The following GLS variants were observed in gnomAD, a reference collection of about 807,000 sequenced individuals.
The protein encoded by GLS is glutaminase.
GLS carries 36 observed loss-of-function variants against 86.7 expected under a neutral mutation model. That is an observed-to-expected ratio of 0.42 (90% CI 0.32 to 0.55). GLS has a LOEUF of 0.55. Ranked by LOEUF, GLS falls within the 20% of genes least tolerant of loss-of-function variation. GLS has a pLI of 0.17. For missense variants in GLS, 528 were observed against 833.4 expected (o/e 0.63, Z 4.51); for synonymous variants, 317 against 305.9 (o/e 1.04, Z -0.38).
intron 9 of GLS, 30 bp from the exon 10 acceptor site, chr2:190,923,885 CAT>C (rs1176586848): frequency 7.3e-7 from 1 of 1,361,932 alleles, no homozygotes; most frequent in African/African-American, 1.4e-5. Flanking sequence ...AAAGAAAGTA[CAT>C]AGAGCAAATG....
At chr2:190,912,423 A>G (rs1272099142) in intron 7 of GLS, among the ~76,000 whole-genome samples, 1 of 149,588 alleles carries the variant, frequency 6.7e-6, no homozygotes, top group Non-Finnish European at 1.5e-5. Flanking sequence ...GTAAAATTGA[A>G]TGCCCCAGAA....
intron 7 of GLS, among the ~76,000 whole-genome samples, chr2:190,911,437 A>G (rs1203753580): frequency 6.6e-6 from 1 of 152,162 alleles, no homozygotes; most frequent in East Asian, 1.9e-4. Context: ...TTTAATTCTT[A>G]TAACTCTAAT....
At position 190,962,904 on chromosome 2, in the gene GLS, A is replaced by G. The variant is rs746827074; in HGVS notation, c.1928A>G (p.Gln643Arg). ...GTATTTAAAATTCTCCAAGAATACC[A>G]AGTCCAGTACACACCTCAAGGAGAT... is the stretch of plus-strand genomic sequence containing the variant. ...HDVFKILQEY[Q>R]VQYTPQGDSD... Residue 643 changes from glutamine to arginine, a missense_variant, in exon 18 of 18, where the codon CAA becomes CGA. By Grantham distance (43) the Gln-to-Arg change is conservative. Coordinates refer to ENST00000320717, the MANE Select transcript of GLS (RefSeq NM_014905.5). This position sits in a 1 kb window ranked among gnomAD's most constrained non-coding sequence, Gnocchi z 4.2. 19 of 1,603,224 alleles carry G rather than the reference A, an allele frequency of 1.2e-5. No homozygotes were observed. The highest frequency in any genetic ancestry group is 1.6e-5 in the Non-Finnish European group (19 of 1,175,744).
chr2:190,910,743 G>A (rs901338125), intron 7 of GLS, among the ~76,000 whole-genome samples: 1 of 151,286 alleles, frequency 6.6e-6, no homozygotes, highest in East Asian at 1.9e-4. Flanking sequence ...AAATGTTCTG[G>A]TACTTAAGAC....
At position 190,895,063 on chromosome 2, in the gene GLS, G is replaced by GT; in HGVS notation, c.387-86dup. Reference sequence around the variant, plus strand: ...AGTATATGAGCTCAGCTGTAGTCTAGTTTAGTGGTTATTTAACAATGGATT... The same window carrying GT: ...AGTATATGAGCTCAGCTGTAGTCTAGTTTTAGTGGTTATTTAACAATGGATT... On this transcript the variant is annotated intron_variant, in intron 1 of 17. Transcript: ENST00000320717. The surrounding 1 kb of genome is among the most constrained non-coding windows in gnomAD (Gnocchi z 4.2). 1.5e-6 allele frequency: 1 copy of GT among 653,340 alleles called. No individual in the cohort carries two copies. Among genetic ancestry groups the GT allele is most frequent in the Non-Finnish European group, 2.8e-6 (1 of 356,864 alleles). The allele number at this position is 653,340 out of a possible 1,614,324, so 40.5% of individuals were successfully genotyped here.
intron 1 of GLS, among the ~76,000 whole-genome samples, chr2:190,883,910 T>G (rs1688289593): frequency 6.6e-6 from 1 of 152,226 alleles, no homozygotes; most frequent in Non-Finnish European, 1.5e-5. Context: ...GCAAGTTACT[T>G]TACCTTTTTT....
intron 9 of GLS, among the ~76,000 whole-genome samples, chr2:190,922,550 T>C (rs1689774315): frequency 6.6e-6 from 1 of 152,106 alleles, no homozygotes; most frequent in African/African-American, 2.4e-5. Flanking sequence ...CTGCCCTCCT[T>C]AAGACCTAGA....
rs556506301 is a variant in GLS at position 190,965,056 on chromosome 2, T to C, written c.*2070T>C. ...ACTATGTGCCGATTCCTGCTCGGGC[T>C]GTTTGCTGTTGGCTGGTAATAATAT... is the stretch of plus-strand genomic sequence containing the variant. On this transcript the variant is annotated 3_prime_UTR_variant, in exon 18 of 18. Coordinates refer to ENST00000320717, the MANE Select transcript of GLS (RefSeq NM_014905.5). The surrounding 1 kb of genome is among the most constrained non-coding windows in gnomAD (Gnocchi z 5.0). 2.0e-5 allele frequency: 3 copies of C among 152,346 alleles called. No homozygotes were observed. In the East Asian group the frequency reaches 5.8e-4, roughly 29 times the overall value. 9.4% of individuals were successfully genotyped at this position (152,346 alleles called of 1,614,324 possible).
rs1412155100 is a variant in GLS, at chr2:190,949,907, C to CA, written c.1651-3652dup. On this transcript the variant is annotated intron_variant, in intron 14 of 17. Coordinates refer to ENST00000320717, the MANE Select transcript of GLS (RefSeq NM_014905.5). This position sits in a 1 kb window ranked among gnomAD's most constrained non-coding sequence, Gnocchi z 4.0. Reference sequence around the variant, plus strand: ...TGGAGCCTATATTTAATGAGAGAGACAAAAAACAAGTATATATAAAAATAT... The same window carrying CA: ...TGGAGCCTATATTTAATGAGAGAGACAAAAAAACAAGTATATATAAAAATAT... 6.8e-6 allele frequency among the ~76,000 whole-genome samples: 1 copy of CA among 147,576 alleles called. No homozygotes were observed. Among genetic ancestry groups the CA allele is most frequent in the Non-Finnish European group, 1.5e-5 (1 of 66,938 alleles).
At chr2:190,942,066 A>ATTTTTT (rs1160472609) in intron 14 of GLS, among the ~76,000 whole-genome samples, 3 of 50,726 alleles carry the variant, frequency 5.9e-5, no homozygotes, top group Non-Finnish European at 1.1e-4. Flanking sequence ...AACTTTGAAG[A>ATTTTTT]CTTTTTTTTT....
At position 190,921,137 on chromosome 2, in the gene GLS, GT is replaced by G. The variant is rs1457516788; in HGVS notation, c.1072-5del. On this transcript the variant is annotated splice_polypyrimidine_tract_variant and splice_region_variant and intron_variant, in intron 8 of 17. Coordinates refer to ENST00000320717, the MANE Select transcript of GLS (RefSeq NM_014905.5). The surrounding 1 kb of genome is among the most constrained non-coding windows in gnomAD (Gnocchi z 4.2). ...TGATTACTAATATTCCCTACTTTTG[GT>G]TTCTAGGTCATGCAGTTTTTGAATA... 1 of 1,604,278 alleles carries G rather than the reference GT, an allele frequency of 6.2e-7. No individual in the cohort carries two copies. The highest frequency in any genetic ancestry group is 2.2e-5 in the East Asian group (1 of 44,634).
chr2:190,944,990 C>T (rs1690543139), intron 14 of GLS, among the ~76,000 whole-genome samples: 1 of 151,962 alleles, frequency 6.6e-6, no homozygotes, highest in Non-Finnish European at 1.5e-5. Flanking sequence ...TTCTGATTTC[C>T]TATCACAACA....
rs1377679466 is a variant in GLS at position 190,955,442 on chromosome 2, T to TG, written c.1853+625dup. Among the ~76,000 whole-genome samples, 4 of 152,228 alleles carry TG rather than the reference T, an allele frequency of 2.6e-5. No homozygotes were observed. Among genetic ancestry groups the TG allele is most frequent in the Non-Finnish European group, 5.9e-5 (4 of 68,034 alleles). ...TGGTTTCCAGCTTCACCCATGTCCC[T>TG]GCAAAGGACATGAACTCATCCTTTT... On this transcript the variant is annotated intron_variant, in intron 17 of 17. Transcript: ENST00000320717. The surrounding 1 kb of genome is among the most constrained non-coding windows in gnomAD (Gnocchi z 5.6).
At chr2:190,884,185 G>A (rs902772994) in intron 1 of GLS, among the ~76,000 whole-genome samples, 1 of 152,148 alleles carries the variant, frequency 6.6e-6, no homozygotes, top group Non-Finnish European at 1.5e-5. Context: ...TAAAAACCCT[G>A]AGGCTGAGGC....
At position 190,913,515 on chromosome 2, in the gene GLS, A is replaced by G. The variant is rs1279228977; in HGVS notation, c.1038+3194A>G. On this transcript the variant is annotated intron_variant, in intron 7 of 17. Transcript: ENST00000320717. This position sits in a 1 kb window ranked among gnomAD's most constrained non-coding sequence, Gnocchi z 6.1. The stretch of plus-strand genomic sequence containing the variant: ...TTTGTTGTAATCTGTTTTATTTGGG[A>G]TTGTGATAATGTGTGATTGCTTGAT... 3.5e-5 allele frequency: 34 copies of G among 963,542 alleles called. No homozygotes were observed. Among genetic ancestry groups the G allele is most frequent in the Non-Finnish European group, 4.2e-5 (34 of 810,244 alleles). The allele number at this position is 963,542 out of a possible 1,614,324, so 59.7% of individuals were successfully genotyped here. A position where few individuals can be genotyped will look rare whatever the true frequency, so the allele number is the denominator to read the frequency against.
intron 3 of GLS, among the ~76,000 whole-genome samples, chr2:190,899,146 C>T (rs1052627130): frequency 1.3e-5 from 2 of 152,058 alleles, no homozygotes; most frequent in African/African-American, 4.8e-5. Flanking sequence ...TCTTGCAACT[C>T]TGATACTTGG....
Position 190,963,225 on chromosome 2 carries a change from T to G in GLS, c.*239T>G, listed in dbSNP as rs1256577428. On this transcript the variant is annotated 3_prime_UTR_variant, in exon 18 of 18. Transcript: ENST00000320717. ...ACCTCGTGCATTGTATAATTTGATG[T>G]AAAAGAAATAGTTACCAATGCTAGC... 1 of 341,498 alleles carries G rather than the reference T, an allele frequency of 2.9e-6. No individual in the cohort carries two copies. Among genetic ancestry groups the G allele is most frequent in the Admixed American group, 4.6e-5 (1 of 21,788 alleles). 21.2% of individuals were successfully genotyped at this position (341,498 alleles called of 1,614,324 possible).
intron 14 of GLS, among the ~76,000 whole-genome samples, chr2:190,948,117 G>A (rs1690625517): frequency 6.6e-6 from 1 of 152,172 alleles, no homozygotes; most frequent in South Asian, 2.1e-4. Flanking sequence ...CTGTGCATGG[G>A]CTGCCTCCTA....
At chr2:190,884,522 C>T (rs1277070875) in intron 1 of GLS, among the ~76,000 whole-genome samples, 3 of 152,158 alleles carry the variant, frequency 2.0e-5, no homozygotes, top group African/African-American at 7.2e-5. Flanking sequence ...AGCACTTGCC[C>T]ATATGGACAT....
Sources: allele counts gnomAD v4.1 joint callset (sites outside exome capture counted in the v4.1 genomes callset), GRCh38; gene constraint gnomAD v4.1.1; non-coding constraint Gnocchi (gnomAD v3.1); transcripts MANE v1.5; gene names NCBI Gene and HGNC (gene_info 2026-07-23, HGNC 2026-07-21).